Variants in SPON1 observed in about 807,000 individuals in gnomAD.
SPON1 encodes the protein spondin-1.
SPON1 carries 52 observed loss-of-function variants against 111.7 expected under a neutral mutation model. That is an observed-to-expected ratio of 0.47 (90% CI 0.37 to 0.59). SPON1 has a LOEUF of 0.59. SPON1 is among the 20% of genes least tolerant of loss of function. SPON1 has a pLI of 0.00. For synonymous variants in SPON1, 410 were observed against 395.8 expected (o/e 1.04, Z -0.43); for missense variants, 957 against 1,068.5 (o/e 0.90, Z 1.46).
At chr11:14,070,786 T>G (rs1029612486) in intron 3 of SPON1, among the ~76,000 whole-genome samples, 8 of 152,062 alleles carry the variant, frequency 5.3e-5, no homozygotes, top group Non-Finnish European at 1.0e-4. Context: ...AACAGGCAGA[T>G]TCCCTCAGGA....
chr11:14,058,051 T>C (rs1554919446), intron 3 of SPON1, among the ~76,000 whole-genome samples: 1 of 150,102 alleles, frequency 6.7e-6, no homozygotes, highest in Non-Finnish European at 1.5e-5. Context: ...AATCAGGGGG[T>C]GTTGGGGTGG....
At chr11:14,243,962 C>G (rs1229390975) in intron 7 of SPON1, among the ~76,000 whole-genome samples, 2 of 152,176 alleles carry the variant, frequency 1.3e-5, no homozygotes, top group East Asian at 3.9e-4. Context: ...CCACCTGGAC[C>G]TTAAACTCAT....
chr11:14,166,947 G>C (rs145236479), intron 6 of SPON1, among the ~76,000 whole-genome samples: 6 of 152,162 alleles, frequency 3.9e-5, no homozygotes, highest in African/African-American at 7.2e-5. Flanking sequence ...ACAAATGTCT[G>C]TAGATGACAA....
chr11:14,135,986 A>T lies in SPON1; in HGVS notation c.825+418A>T, dbSNP rs1847587073. Among the ~76,000 whole-genome samples the T allele has an allele frequency of 6.6e-6, 1 of 152,182 alleles. No individual in the cohort carries two copies. Among genetic ancestry groups the T allele is most frequent in the Non-Finnish European group, 1.5e-5 (1 of 68,044 alleles). On this transcript the variant is annotated intron_variant, in intron 6 of 15. Transcript: ENST00000576479. The surrounding 1 kb of genome is among the most constrained non-coding windows in gnomAD (Gnocchi z 4.4). ...GCTTTTTGCAACTATGTCTTGAGGTACTTGATAAATTAGTCGTTCGTTCAT... is the reference window on the plus strand; with the variant it reads ...GCTTTTTGCAACTATGTCTTGAGGTTCTTGATAAATTAGTCGTTCGTTCAT...
At chr11:14,215,524 G>A (rs1848617657) in intron 6 of SPON1, among the ~76,000 whole-genome samples, 1 of 152,080 alleles carries the variant, frequency 6.6e-6, no homozygotes, top group Non-Finnish European at 1.5e-5. Flanking sequence ...TGATGGCTTG[G>A]GGTCCTCAAA....
At chr11:14,235,485 C>A (rs1355014787) in intron 6 of SPON1, among the ~76,000 whole-genome samples, 1 of 151,734 alleles carries the variant, frequency 6.6e-6, no homozygotes, top group Non-Finnish European at 1.5e-5. Context: ...GTGAGGCCAG[C>A]CTGAGCAACA....
At chr11:14,089,426 A>G (rs1296630522) in intron 5 of SPON1, among the ~76,000 whole-genome samples, 15 of 151,382 alleles carry the variant, frequency 9.9e-5, no homozygotes, top group African/African-American at 3.6e-4. Context: ...CTGGAGGTCT[A>G]CTCCAGACCC....
chr11:14,108,768 T>G (rs938777625), intron 5 of SPON1, among the ~76,000 whole-genome samples: 2 of 151,906 alleles, frequency 1.3e-5, no homozygotes, highest in Non-Finnish European at 2.9e-5. Flanking sequence ...TTTTTTTTTG[T>G]AAATAAGAAA....
intron 5 of SPON1, among the ~76,000 whole-genome samples, chr11:14,097,528 G>A (rs891507462): frequency 5.3e-5 from 8 of 152,062 alleles, no homozygotes; most frequent in African/African-American, 1.7e-4. Flanking sequence ...AAATGCTCTC[G>A]TTATTCCCAT....
At chr11:13,978,828 A>G (rs1324316634) in intron 1 of SPON1, among the ~76,000 whole-genome samples, 1 of 152,194 alleles carries the variant, frequency 6.6e-6, no homozygotes, top group Non-Finnish European at 1.5e-5. Context: ...GGAAACTTCT[A>G]GAGAGTGAAT....
intron 6 of SPON1, among the ~76,000 whole-genome samples, chr11:14,210,365 T>C (rs1214323650): frequency 6.7e-6 from 1 of 150,208 alleles, no homozygotes; most frequent in Non-Finnish European, 1.5e-5. Flanking sequence ...GTATAGGTTT[T>C]CTTTTTCCTT....
chr11:14,179,898 A>T (rs534407352), intron 6 of SPON1, among the ~76,000 whole-genome samples: 5 of 152,054 alleles, frequency 3.3e-5, no homozygotes, highest in Non-Finnish European at 7.4e-5. Flanking sequence ...TAAAAAGATG[A>T]TGAAATGTAT....
rs1171426532 is a variant in SPON1, at chr11:14,160,963, TTA to T, written c.825+25403_825+25404del. 3.4e-5 allele frequency among the ~76,000 whole-genome samples: 2 copies of T among 58,080 alleles called. 1 individual carries two copies. The highest frequency in any genetic ancestry group is 1.4e-4 in the African/African-American group (2 of 13,966). The allele number at this position is 58,080 out of a possible 152,430, so 38.1% of individuals were successfully genotyped here. ...TATATATTTATATATTTATATATAT[TTA>T]TATATATTTTTATATATTTATATAT... On this transcript the variant is annotated intron_variant, in intron 6 of 15. Transcript: ENST00000576479.
chr11:14,213,726 G>T (rs1182942827), intron 6 of SPON1, among the ~76,000 whole-genome samples: 1 of 152,166 alleles, frequency 6.6e-6, no homozygotes, highest in Admixed American at 6.6e-5. Flanking sequence ...AAGGGAAATG[G>T]AAATAAATAT....
intron 3 of SPON1, among the ~76,000 whole-genome samples, chr11:14,045,463 A>C (rs1848661666): frequency 6.6e-6 from 1 of 151,994 alleles, no homozygotes; most frequent in Non-Finnish European, 1.5e-5. Context: ...CTGTAATCCC[A>C]GCTACTCAGG....
intron 6 of SPON1, among the ~76,000 whole-genome samples, chr11:14,184,243 C>T (rs975157624): frequency 6.6e-6 from 1 of 152,172 alleles, no homozygotes; most frequent in Non-Finnish European, 1.5e-5. Context: ...AGTCATTGCA[C>T]TTGGCATTGA....
chr11:14,007,001 G>T (rs1554913220), intron 2 of SPON1, among the ~76,000 whole-genome samples: 1 of 152,184 alleles, frequency 6.6e-6, no homozygotes, highest in African/African-American at 2.4e-5. Context: ...TCCCTCTGGG[G>T]GCTCTAGGGC....
At position 14,237,821 on chromosome 11, in the gene SPON1, G is replaced by A. The variant is rs564735136; in HGVS notation, c.826-5511G>A. 1.1e-4 allele frequency among the ~76,000 whole-genome samples: 17 copies of A among 152,334 alleles called. No homozygotes were observed. The South Asian group carries it at 3.3e-3, about 30-fold the overall frequency. On this transcript the variant is annotated intron_variant, in intron 6 of 15. Coordinates refer to ENST00000576479, the MANE Select transcript of SPON1 (RefSeq NM_006108.4). ...CTGATATTCTTCCACGTGTGGCTGT[G>A]ATATGCAGAACTGAAAGTAGGCTAG... is the stretch of plus-strand genomic sequence containing the variant.
At chr11:13,991,454 TTATTC>T (rs1422844847) in intron 2 of SPON1, among the ~76,000 whole-genome samples, 1 of 152,200 alleles carries the variant, frequency 6.6e-6, no homozygotes. Flanking sequence ...TCTACACTGG[TTATTC>T]TAGTCAGCAA....
Sources: gnomAD v4.1 joint callset for allele counts (sites outside exome capture counted in the v4.1 genomes callset) on GRCh38, gnomAD v4.1.1 for gene constraint, Gnocchi (gnomAD v3.1) non-coding constraint, MANE v1.5 for transcripts, NCBI Gene and HGNC (gene_info 2026-07-23, HGNC 2026-07-21) for gene names.